Variants in FMNL2 observed in about 807,000 individuals in gnomAD.
FMNL2 encodes formin like 2.
In FMNL2, 51 loss-of-function variants were observed where a neutral mutation model predicts 130.2. The observed-to-expected ratio is 0.39, with a 90% CI of 0.31 to 0.49. The LOEUF is 0.49. Ranked by LOEUF, FMNL2 falls within the 20% of genes least tolerant of loss-of-function variation. The probability of loss-of-function intolerance (pLI) is 0.85; values close to 1 mark genes in which losing one functional copy is unlikely to be tolerated. For missense variants in FMNL2, 977 were observed against 1,316.2 expected, an observed-to-expected ratio of 0.74 and a Z score of 3.99; for synonymous variants, 465 against 467.1, an observed-to-expected ratio of 1.00 and a Z score of 0.06.
rs1437037209 is a variant in FMNL2 at position 152,636,605 on chromosome 2, C to T, written c.2844+15C>T. On this transcript the variant is annotated intron_variant, in intron 22 of 25. Transcript: ENST00000288670. ...AGATCGCACAGGCAAGTATTGGTGC[C>T]CCTGAAACCTGTGAAGAGGCTGCAT... The T allele has an allele frequency of 1.3e-6, 2 of 1,552,176 alleles. No individual in the cohort carries two copies. The highest frequency in any genetic ancestry group is 1.7e-6 in the Non-Finnish European group (2 of 1,147,700).
intron 1 of FMNL2, among the ~76,000 whole-genome samples, chr2:152,395,995 CAG>C (rs1430016195): frequency 2.0e-5 from 3 of 152,198 alleles, no homozygotes; most frequent in East Asian, 3.9e-4. Context: ...TCGACAGAGT[CAG>C]AAAGTCCTTG....
At chr2:152,582,757 T>G (rs189959911) in intron 9 of FMNL2, among the ~76,000 whole-genome samples, 1 of 152,318 alleles carries the variant, frequency 6.6e-6, no homozygotes, top group East Asian at 1.9e-4. Context: ...GCAGCTCATA[T>G]AACGCCCAAA....
intron 4 of FMNL2, among the ~76,000 whole-genome samples, chr2:152,557,758 G>A (rs529473827): frequency 2.6e-5 from 4 of 152,328 alleles, no homozygotes; most frequent in South Asian, 4.1e-4. Flanking sequence ...CATGTCCATA[G>A]CTGGTCAGAC....
At chr2:152,542,461 G>A (rs1171233914) in intron 2 of FMNL2, among the ~76,000 whole-genome samples, 1 of 152,158 alleles carries the variant, frequency 6.6e-6, no homozygotes, top group Non-Finnish European at 1.5e-5. Flanking sequence ...TACTGACTCT[G>A]GAGTTGAGCA....
intron 13 of FMNL2, 38 bp downstream of exon 13, chr2:152,617,230 T>A (rs762322296): frequency 9.5e-6 from 15 of 1,573,804 alleles, no homozygotes; most frequent in Non-Finnish European, 1.3e-5. Flanking sequence ...ATGGGCACGG[T>A]AGGGAATGTA....
chr2:152,629,083 TA>T (rs1681991606), intron 18 of FMNL2, among the ~76,000 whole-genome samples: 1 of 152,172 alleles, frequency 6.6e-6, no homozygotes, highest in Non-Finnish European at 1.5e-5. Context: ...ATGAATATCA[TA>T]AACTTCAGTT....
intron 6 of FMNL2, among the ~76,000 whole-genome samples, chr2:152,570,837 T>G (rs141986025): frequency 4.3e-3 from 465 of 109,072 alleles, no homozygotes; most frequent in Non-Finnish European, 6.4e-3. Context: ...TGTTATGGAA[T>G]GCTGGTGAAA....
At chr2:152,550,543 G>C (rs1241695530) in intron 4 of FMNL2, among the ~76,000 whole-genome samples, 3 of 152,212 alleles carry the variant, frequency 2.0e-5, no homozygotes, top group African/African-American at 7.2e-5. Context: ...TGTAGAGCCA[G>C]GTGCTTTGGC....
chr2:152,469,334 T>C (rs1689729627), intron 1 of FMNL2, among the ~76,000 whole-genome samples: 2 of 152,248 alleles, frequency 1.3e-5, no homozygotes, highest in South Asian at 4.1e-4. Context: ...ATTAAGTCTC[T>C]GCATTGCCTT....
At chr2:152,476,006 T>C (rs1690130305) in intron 1 of FMNL2, among the ~76,000 whole-genome samples, 1 of 152,234 alleles carries the variant, frequency 6.6e-6, no homozygotes, top group Non-Finnish European at 1.5e-5. Context: ...ATTATGTTTC[T>C]AGTGAGTCCA....
chr2:152,557,663 G>A (rs1695300791), intron 4 of FMNL2, among the ~76,000 whole-genome samples: 1 of 152,170 alleles, frequency 6.6e-6, no homozygotes, highest in Admixed American at 6.5e-5. Flanking sequence ...AGACCTCAAG[G>A]GGTTGCTCAT....
At chr2:152,496,214 C>T (rs1205274095) in intron 1 of FMNL2, among the ~76,000 whole-genome samples, 2 of 151,980 alleles carry the variant, frequency 1.3e-5, no homozygotes, top group African/African-American at 4.8e-5. Flanking sequence ...TTATGTCTCT[C>T]CAGTTTCTTC....
chr2:152,408,176 A>G (rs1345048863), intron 1 of FMNL2, among the ~76,000 whole-genome samples: 3 of 152,198 alleles, frequency 2.0e-5, no homozygotes, highest in Non-Finnish European at 4.4e-5. Context: ...CTGTAGGATA[A>G]TAGATATTGA....
At chr2:152,602,000 T>A (rs1291594611) in intron 9 of FMNL2, among the ~76,000 whole-genome samples, 1 of 152,148 alleles carries the variant, frequency 6.6e-6, no homozygotes, top group African/African-American at 2.4e-5. Flanking sequence ...ATGTGAAAAC[T>A]GAAGTCCAGG....
At chr2:152,437,206 T>C (rs1687814699) in intron 1 of FMNL2, among the ~76,000 whole-genome samples, 1 of 152,176 alleles carries the variant, frequency 6.6e-6, no homozygotes, top group African/African-American at 2.4e-5. Flanking sequence ...GATTTAGAGA[T>C]CACCATATGA....
At chr2:152,379,961 A>G (rs1684372821) in intron 1 of FMNL2, among the ~76,000 whole-genome samples, 1 of 152,266 alleles carries the variant, frequency 6.6e-6, no homozygotes, top group Non-Finnish European at 1.5e-5. Context: ...GCCTTCAAAC[A>G]TATAAACTAG....
intron 1 of FMNL2, among the ~76,000 whole-genome samples, chr2:152,452,161 T>C (rs1367232475): frequency 6.6e-6 from 1 of 152,156 alleles, no homozygotes; most frequent in Non-Finnish European, 1.5e-5. Context: ...CTTTTTTCTT[T>C]CCCCATCCCC....
rs1485604581 is a variant in FMNL2, at chr2:152,647,753, A to G, written c.3170-43A>G. 2.5e-6 allele frequency: 4 copies of G among 1,587,434 alleles called. No homozygotes were observed. In the South Asian group the frequency reaches 3.3e-5, roughly 13 times the overall value. ...CCTTTGTCCTGCTTAGACACATGCTATTAAAGGTTGCTATTCTCTCACTGG... is the reference window on the plus strand; with the variant it reads ...CCTTTGTCCTGCTTAGACACATGCTGTTAAAGGTTGCTATTCTCTCACTGG... On this transcript the variant is annotated intron_variant, in intron 25 of 25. Transcript: ENST00000288670.
At position 152,494,707 on chromosome 2, in the gene FMNL2, A is replaced by G. The variant is rs569321771; in HGVS notation, c.118-27236A>G. On this transcript the variant is annotated intron_variant, in intron 1 of 25. Coordinates refer to ENST00000288670, the MANE Select transcript of FMNL2 (RefSeq NM_052905.4). The stretch of plus-strand genomic sequence containing the variant: ...AACAATTGCATGATAATTTTAGATT[A>G]CTCTTGAAATATGCCTCAAAATAAA... 3.9e-5 allele frequency among the ~76,000 whole-genome samples: 6 copies of G among 152,308 alleles called. No homozygotes were observed. In the South Asian group the frequency reaches 1.2e-3, roughly 32 times the overall value.
Sources: allele counts gnomAD v4.1 joint callset (sites outside exome capture counted in the v4.1 genomes callset), GRCh38; gene constraint gnomAD v4.1.1; transcripts MANE v1.5; gene names NCBI Gene and HGNC (gene_info 2026-07-23, HGNC 2026-07-21).